Variants in PTDSS2 observed in about 807,000 individuals in gnomAD.
PTDSS2 encodes phosphatidylserine synthase 2.
Under a neutral mutation model 64.7 loss-of-function variants are expected in PTDSS2, and 41 were observed. The ratio of observed to expected loss-of-function variants is 0.63; its 90% confidence interval spans 0.49 to 0.82. The LOEUF is 0.82. Among genes scored for constraint, PTDSS2 ranks in the 40% least tolerant of loss-of-function variants. PTDSS2 has a pLI of 0.00. For missense variants in PTDSS2, 485 were observed against 650.0 expected (o/e 0.75, Z 2.76); for synonymous variants, 297 against 277.8 (o/e 1.07, Z -0.69).
At chr11:463,002 AC>A (rs1846963111) in intron 2 of PTDSS2, 1 of 149,972 alleles carries the variant, frequency 6.7e-6, no homozygotes, top group Non-Finnish European at 1.5e-5. Flanking sequence ...TCCTGTCTCT[AC>A]TAAAAATACA....
At chr11:468,369 G>A (rs1490021818) in intron 2 of PTDSS2, among the ~76,000 whole-genome samples, 2 of 152,208 alleles carry the variant, frequency 1.3e-5, no homozygotes, top group African/African-American at 4.8e-5. Context: ...GCCACTCTGT[G>A]TGGCACCATC....
intron 4 of PTDSS2, 32 bp from the exon 5 acceptor site, chr11:486,907 T>C (rs1240915135): frequency 1.3e-6 from 2 of 1,584,776 alleles, no homozygotes; most frequent in Admixed American, 1.8e-5. Context: ...CCACTAACTG[T>C]AGCCCCGCTG....
intron 2 of PTDSS2, chr11:463,180 A>G (rs1386445348): frequency 9.2e-5 from 14 of 152,030 alleles, no homozygotes; most frequent in Admixed American, 9.2e-4. Flanking sequence ...AAAAAAAAGA[A>G]AAGAAAAGAA....
At chr11:485,400 G>C (rs189259317) in intron 4 of PTDSS2, among the ~76,000 whole-genome samples, 8 of 144,146 alleles carry the variant, frequency 5.5e-5, no homozygotes, top group African/African-American at 2.1e-4. Flanking sequence ...GTGTGTGCAG[G>C]CGACCGTAAA....
At position 460,061 on chromosome 11, in the gene PTDSS2, G is replaced by T. The variant is rs573085946; in HGVS notation, c.183-126G>T. 46 of 707,224 alleles carry T rather than the reference G, an allele frequency of 6.5e-5. No homozygotes were observed. In the African/African-American group the frequency reaches 7.8e-4, roughly 12 times the overall value. 43.8% of individuals were successfully genotyped at this position (707,224 alleles called of 1,614,324 possible). A position where few individuals can be genotyped will look rare whatever the true frequency, so the allele number is the denominator to read the frequency against. On this transcript the variant is annotated intron_variant, in intron 1 of 11. Coordinates refer to ENST00000308020, the MANE Select transcript of PTDSS2 (RefSeq NM_030783.3). The surrounding 1 kb of genome is among the most constrained non-coding windows in gnomAD (Gnocchi z 5.8). ...GCTAGGGACTCGCAGCCAGTTGCTGGTTGGGAGTTGGAGAGTGGAGTTTAA... is the reference window on the plus strand; with the variant it reads ...GCTAGGGACTCGCAGCCAGTTGCTGTTTGGGAGTTGGAGAGTGGAGTTTAA...
intron 2 of PTDSS2, among the ~76,000 whole-genome samples, chr11:464,173 A>G (rs1033407409): frequency 1.6e-4 from 25 of 151,558 alleles, no homozygotes; most frequent in African/African-American, 5.8e-4. Flanking sequence ...TGGTAGAGAC[A>G]GGTTTCACCA....
At chr11:478,452 A>AG (rs1564983525) in intron 3 of PTDSS2, among the ~76,000 whole-genome samples, 1 of 137,502 alleles carries the variant, frequency 7.3e-6, no homozygotes, top group Non-Finnish European at 1.6e-5. Context: ...ACCTTGTCTC[A>AG]AAAAAAAAAA....
intron 2 of PTDSS2, among the ~76,000 whole-genome samples, chr11:466,409 T>A (rs997967464): frequency 1.3e-5 from 2 of 149,298 alleles, no homozygotes; most frequent in African/African-American, 2.5e-5. Flanking sequence ...CTCTTTTTTT[T>A]TTTTTTTTTT....
At chr11:453,040 A>G (rs1004790091) in intron 1 of PTDSS2, among the ~76,000 whole-genome samples, 1 of 151,880 alleles carries the variant, frequency 6.6e-6, no homozygotes, top group African/African-American at 2.4e-5. Context: ...CAGGGCGTTC[A>G]TTTTCAAGGA....
At position 470,429 on chromosome 11, in the gene PTDSS2, C is replaced by T. The variant is rs919055116; in HGVS notation, c.285-3466C>T. 3.3e-5 allele frequency among the ~76,000 whole-genome samples: 5 copies of T among 152,062 alleles called. No homozygotes were observed. Among genetic ancestry groups the T allele is most frequent in the Admixed American group, 3.3e-4 (5 of 15,264 alleles). ...AGAGTCTGAGAAACCGTCCCAGCCT[C>T]GGGGAGCCTGAAGAGACAGAACGAG... On this transcript the variant is annotated intron_variant, in intron 2 of 11. Transcript: ENST00000308020. This position sits in a 1 kb window ranked among gnomAD's most constrained non-coding sequence, Gnocchi z 5.3.
At chr11:474,838 C>T (rs1847652294) in intron 3 of PTDSS2, among the ~76,000 whole-genome samples, 1 of 151,006 alleles carries the variant, frequency 6.6e-6, no homozygotes, top group South Asian at 2.1e-4. Context: ...GTTTGTGATA[C>T]GGACATATTC....
At position 479,006 on chromosome 11, in the gene PTDSS2, C is replaced by A; in HGVS notation, c.368-79C>A. On this transcript the variant is annotated intron_variant, in intron 3 of 11. Coordinates refer to ENST00000308020, the MANE Select transcript of PTDSS2 (RefSeq NM_030783.3). This position sits in a 1 kb window ranked among gnomAD's most constrained non-coding sequence, Gnocchi z 4.2. ...AGAAGAGACACTGGGTGTGAAGGAGCCAGGAGCCGGCCTGGGGCTGAGCGG... is the reference window on the plus strand; with the variant it reads ...AGAAGAGACACTGGGTGTGAAGGAGACAGGAGCCGGCCTGGGGCTGAGCGG... The A allele has an allele frequency of 2.5e-6, 3 of 1,189,412 alleles. No homozygotes were observed. The highest frequency in any genetic ancestry group is 2.5e-5 in the South Asian group (2 of 81,154). The allele number at this position is 1,189,412 out of a possible 1,614,324, so 73.7% of individuals were successfully genotyped here. A position where few individuals can be genotyped will look rare whatever the true frequency, so the allele number is the denominator to read the frequency against.
intron 1 of PTDSS2, among the ~76,000 whole-genome samples, chr11:454,341 T>C (rs1846486284): frequency 1.3e-5 from 2 of 152,174 alleles, no homozygotes; most frequent in Admixed American, 1.3e-4. Flanking sequence ...TGTGCACATT[T>C]ACCTGAAGGG....
chr11:484,617 G>A (rs1166423755), intron 4 of PTDSS2, among the ~76,000 whole-genome samples: 1 of 149,940 alleles, frequency 6.7e-6, no homozygotes, highest in Non-Finnish European at 1.5e-5. Context: ...CACTGCGCAG[G>A]CATCTGTAAA....
chr11:453,385 C>G (rs1846436706), intron 1 of PTDSS2, among the ~76,000 whole-genome samples: 1 of 152,204 alleles, frequency 6.6e-6, no homozygotes, highest in Non-Finnish European at 1.5e-5. Context: ...GTGGGAGACG[C>G]TGAAGCAGCT....
chr11:472,216 A>G (rs1217447054), intron 2 of PTDSS2, among the ~76,000 whole-genome samples: 1 of 151,860 alleles, frequency 6.6e-6, no homozygotes, highest in Non-Finnish European at 1.5e-5. Flanking sequence ...GGGTAGGGGG[A>G]CGTTTTACTG....
chr11:471,489 G>A (rs1847427812), intron 2 of PTDSS2, among the ~76,000 whole-genome samples: 1 of 152,280 alleles, frequency 6.6e-6, no homozygotes. Flanking sequence ...GGTCTGAGCT[G>A]GCCTCTGGGC....
At chr11:488,475 T>TCC in intron 7 of PTDSS2, 54 bp from the exon 8 acceptor site, 1 of 1,502,840 alleles carries the variant, frequency 6.7e-7, no homozygotes, top group Non-Finnish European at 9.3e-7. Context: ...GGGGTCCTCC[T>TCC]CGGGGGGCTC....
chr11:486,524 A>G (rs1245682385), intron 4 of PTDSS2, among the ~76,000 whole-genome samples: 1 of 152,176 alleles, frequency 6.6e-6, no homozygotes, highest in African/African-American at 2.4e-5. Context: ...GCCCTCCTCC[A>G]GGGTGACTGA....
Sources: gnomAD v4.1 joint callset for allele counts (sites outside exome capture counted in the v4.1 genomes callset) on GRCh38, gnomAD v4.1.1 for gene constraint, Gnocchi (gnomAD v3.1) non-coding constraint, MANE v1.5 for transcripts, NCBI Gene and HGNC (gene_info 2026-07-23, HGNC 2026-07-21) for gene names.